Variants in RBFOX1 observed in about 807,000 individuals in gnomAD.
RBFOX1 encodes the protein RNA binding fox-1 homolog 1.
A neutral mutation model predicts 57.7 loss-of-function variants in RBFOX1; 8 were observed. The observed-to-expected ratio is 0.14, with a 90% CI of 0.08 to 0.25. RBFOX1 has a LOEUF of 0.25. RBFOX1 is among the 10% of genes least tolerant of loss of function. The probability of loss-of-function intolerance (pLI) is 1.00; values close to 1 mark genes in which losing one functional copy is unlikely to be tolerated. For missense variants in RBFOX1, 611 were observed against 548.5 expected, an observed-to-expected ratio of 1.11 and a Z score of -1.14; for synonymous variants, 326 against 222.4, an observed-to-expected ratio of 1.47 and a Z score of -4.15.
intron 2 of RBFOX1, among the ~76,000 whole-genome samples, chr16:6,374,817 T>C (rs1261949009): frequency 6.6e-6 from 1 of 152,252 alleles, no homozygotes; most frequent in East Asian, 1.9e-4. Context: ...AATCAATTTT[T>C]ATTCTTAATC....
At chr16:6,149,705 C>T (rs1197266973) in intron 1 of RBFOX1, among the ~76,000 whole-genome samples, 2 of 152,134 alleles carry the variant, frequency 1.3e-5, no homozygotes, top group Non-Finnish European at 2.9e-5. Context: ...ACAGCCACCC[C>T]CATAAGAGAT....
chr16:7,486,108 T>C (rs2065298894), intron 4 of RBFOX1, among the ~76,000 whole-genome samples: 1 of 148,654 alleles, frequency 6.7e-6, no homozygotes, highest in African/African-American at 2.5e-5. Flanking sequence ...GGTATTTGTG[T>C]GTTTGTGTCT....
At chr16:7,259,794 T>TA (rs1198190575) in intron 4 of RBFOX1, among the ~76,000 whole-genome samples, 1 of 152,122 alleles carries the variant, frequency 6.6e-6, no homozygotes, top group African/African-American at 2.4e-5. Context: ...AATGTTTTCT[T>TA]AAAAAACTAC....
chr16:7,265,958 G>GTTTTTTTTTT, intron 4 of RBFOX1, among the ~76,000 whole-genome samples: 2 of 107,604 alleles, frequency 1.9e-5, no homozygotes, highest in Non-Finnish European at 3.5e-5. Context: ...GATCTGGTGG[G>GTTTTTTTTTT]TTTTTGTTTT....
chr16:7,163,879 C>T (rs894867211), intron 4 of RBFOX1, among the ~76,000 whole-genome samples: 6 of 152,084 alleles, frequency 3.9e-5, no homozygotes, highest in Non-Finnish European at 1.5e-5. Context: ...AGGCTGGTAT[C>T]GAACTCCTGA....
intron 3 of RBFOX1, among the ~76,000 whole-genome samples, chr16:6,969,907 T>G (rs1568145672): frequency 6.6e-6 from 1 of 152,196 alleles, no homozygotes; most frequent in Non-Finnish European, 1.5e-5. Flanking sequence ...TGAGACTCTT[T>G]CAGTAGTCTG....
intron 3 of RBFOX1, among the ~76,000 whole-genome samples, chr16:6,935,740 T>G (rs2077258263): frequency 6.6e-6 from 1 of 152,178 alleles, no homozygotes; most frequent in Non-Finnish European, 1.5e-5. Context: ...CTTCCTTGTT[T>G]TAATCAGAAG....
intron 2 of RBFOX1, among the ~76,000 whole-genome samples, chr16:6,442,003 A>G (rs1224984182): frequency 6.6e-6 from 1 of 152,192 alleles, no homozygotes; most frequent in Non-Finnish European, 1.5e-5. Flanking sequence ...GTCACTTTCT[A>G]AAGATTGCTC....
intron 1 of RBFOX1, among the ~76,000 whole-genome samples, chr16:6,181,276 C>G (rs2097060283): frequency 6.6e-6 from 1 of 152,226 alleles, no homozygotes; most frequent in Non-Finnish European, 1.5e-5. Context: ...TGCCAGTACT[C>G]ATAGCCTACT....
chr16:5,672,193 C>A (rs1316205443), intron 3 of RBFOX1, among the ~76,000 whole-genome samples: 2 of 152,132 alleles, frequency 1.3e-5, no homozygotes, highest in Non-Finnish European at 2.9e-5. Flanking sequence ...ATCCTCAGTA[C>A]CCTAATGTAT....
chr16:6,923,493 A>C (rs1198136801), intron 3 of RBFOX1, among the ~76,000 whole-genome samples: 1 of 152,124 alleles, frequency 6.6e-6, no homozygotes, highest in African/African-American at 2.4e-5. Flanking sequence ...ATATCACAAC[A>C]CTGCACTCCA....
chr16:7,256,304 C>T (rs2094680851), intron 4 of RBFOX1, among the ~76,000 whole-genome samples: 1 of 152,168 alleles, frequency 6.6e-6, no homozygotes, highest in South Asian at 2.1e-4. Flanking sequence ...AGCCTCACCT[C>T]CACAGTCAGC....
At chr16:6,681,505 T>A (rs1376083356) in intron 3 of RBFOX1, among the ~76,000 whole-genome samples, 1 of 109,524 alleles carries the variant, frequency 9.1e-6, no homozygotes, top group Non-Finnish European at 2.1e-5. Context: ...TTAGTGATGT[T>A]GTCCTTGTCT....
At chr16:6,076,713 A>G (rs11860069) in intron 1 of RBFOX1, among the ~76,000 whole-genome samples, 4,851 of 152,272 alleles carry the variant, frequency 0.032, 139 homozygotes, top group African/African-American at 0.078. Context: ...ACAGAGTCCA[A>G]TGTACATAGG....
At chr16:6,584,893 C>G (rs991124456) in intron 2 of RBFOX1, among the ~76,000 whole-genome samples, 3 of 152,204 alleles carry the variant, frequency 2.0e-5, no homozygotes, top group Non-Finnish European at 2.9e-5. Context: ...GTCATGTTCT[C>G]TCTTCCTGGG....
chr16:7,482,482 G>C (rs1398972256), intron 4 of RBFOX1, among the ~76,000 whole-genome samples: 1 of 133,788 alleles, frequency 7.5e-6, no homozygotes, highest in Non-Finnish European at 1.6e-5. Context: ...TGTTGTTGTT[G>C]TTGTTGTTGT....
At chr16:7,023,605 A>G (rs1219369315) in intron 3 of RBFOX1, among the ~76,000 whole-genome samples, 3 of 146,426 alleles carry the variant, frequency 2.0e-5, no homozygotes, top group Middle Eastern at 3.3e-3. Context: ...TTAGCTTGCC[A>G]TAGTGGTACA....
chr16:7,192,208 G>C (rs375179773), intron 4 of RBFOX1, among the ~76,000 whole-genome samples: 1 of 152,218 alleles, frequency 6.6e-6, no homozygotes, highest in East Asian at 1.9e-4. Flanking sequence ...AGAATCTCCT[G>C]TGTTTTACTG....
At position 7,609,284 on chromosome 16, in the gene RBFOX1, C is replaced by T. The variant is rs539952096; in HGVS notation, c.676+1946C>T. ...GTGTTGTGGTGGAGAGGGCAAAATG[C>T]ATTTTTACATTTTTCTGGTCCTGTG... On this transcript the variant is annotated intron_variant, in intron 10 of 15. Coordinates refer to ENST00000550418, the MANE Select transcript of RBFOX1 (RefSeq NM_018723.4). Among the ~76,000 whole-genome samples, 7 of 152,090 alleles carry T rather than the reference C, an allele frequency of 4.6e-5. No homozygotes were observed. The South Asian group carries it at 1.5e-3, about 32-fold the overall frequency.
Sources: allele counts gnomAD v4.1 joint callset (sites outside exome capture counted in the v4.1 genomes callset), GRCh38; gene constraint gnomAD v4.1.1; transcripts MANE v1.5; gene names NCBI Gene and HGNC (gene_info 2026-07-23, HGNC 2026-07-21).